ZC3H7A: variants seen among roughly 807,000 people sequenced by gnomAD.
ZC3H7A encodes the protein zinc finger CCCH domain-containing protein 7A.
ZC3H7A carries 44 observed loss-of-function variants against 125.5 expected under a neutral mutation model. The observed-to-expected ratio is 0.35, with a 90% confidence interval of 0.28 to 0.45. ZC3H7A has a LOEUF of 0.45. ZC3H7A is among the 20% of genes least tolerant of loss of function. ZC3H7A has a pLI of 1.00. For synonymous variants in ZC3H7A, 399 were observed against 391.2 expected (o/e 1.02, Z -0.23); for missense variants, 977 against 1,170.7 (o/e 0.83, Z 2.41).
intron 19 of ZC3H7A, 66 bp from the exon 20 acceptor site, chr16:11,758,605 T>A: frequency 8.8e-7 from 1 of 1,137,818 alleles, no homozygotes; most frequent in Non-Finnish European, 1.3e-6. Context: ...AATTTTTACA[T>A]TTAAGCAAAA....
intron 9 of ZC3H7A, among the ~76,000 whole-genome samples, chr16:11,771,319 C>A (rs1025509516): frequency 6.6e-6 from 1 of 151,380 alleles, no homozygotes; most frequent in Non-Finnish European, 1.5e-5. Flanking sequence ...ACCCAGGAGG[C>A]GGAGCTTGCA....
intron 21 of ZC3H7A, 152 bp downstream of exon 21, chr16:11,756,085 C>T (rs2052642168): frequency 1.8e-6 from 2 of 1,103,778 alleles, no homozygotes; most frequent in Non-Finnish European, 2.5e-6. Flanking sequence ...ATTGCTTGAA[C>T]CAGGGAGGCG....
intron 4 of ZC3H7A, among the ~76,000 whole-genome samples, chr16:11,778,349 A>C (rs1270288319): frequency 1.3e-5 from 2 of 149,712 alleles, no homozygotes; most frequent in Admixed American, 1.3e-4. Context: ...AGGCAGGAAA[A>C]TTGCTTGAAC....
chr16:11,780,364 G>C (rs1049429249), intron 3 of ZC3H7A, among the ~76,000 whole-genome samples: 1 of 151,882 alleles, frequency 6.6e-6, no homozygotes, highest in Admixed American at 6.6e-5. Flanking sequence ...CAAGTGATCC[G>C]CCTGCTTCAG....
intron 1 of ZC3H7A, among the ~76,000 whole-genome samples, chr16:11,795,416 G>T (rs1004679477): frequency 6.6e-6 from 1 of 151,756 alleles, no homozygotes; most frequent in Admixed American, 6.5e-5. Flanking sequence ...TAAGCCATAC[G>T]TGTCATTGTA....
At chr16:11,767,332 C>T (rs1411585877) in intron 13 of ZC3H7A, 85 bp downstream of exon 13, 4 of 1,081,138 alleles carry the variant, frequency 3.7e-6, no homozygotes, top group African/African-American at 5.6e-5. Flanking sequence ...ATGCATTTCT[C>T]ACAATGTATC....
chr16:11,759,377 T>C (rs1239004913), intron 19 of ZC3H7A: 1 of 152,218 alleles, frequency 6.6e-6, no homozygotes, highest in Non-Finnish European at 1.5e-5. Flanking sequence ...ATTAAATGCT[T>C]AGCATCTGTC....
At chr16:11,754,190 G>C (rs924239951) in intron 21 of ZC3H7A, among the ~76,000 whole-genome samples, 1 of 150,952 alleles carries the variant, frequency 6.6e-6, no homozygotes, top group African/African-American at 2.4e-5. Context: ...TACTGAGGAG[G>C]CTGAGGTCGG....
At chr16:11,762,114 T>G in intron 17 of ZC3H7A, 71 bp from the exon 18 acceptor site, 1 of 1,432,334 alleles carries the variant, frequency 7.0e-7, no homozygotes, top group Non-Finnish European at 9.3e-7. Context: ...AAATACTAAA[T>G]CAAGATGCAT....
chr16:11,781,280 CA>C, intron 3 of ZC3H7A, 144 bp downstream of exon 3: 4 of 696,944 alleles, frequency 5.7e-6, no homozygotes, highest in South Asian at 5.3e-5. Flanking sequence ...GCTTTATTTG[CA>C]AAAAAATAAA....
Position 11,774,233 on chromosome 16 carries a change from T to C in ZC3H7A, c.903+3A>G. 1 of 1,571,658 alleles carries C rather than the reference T, an allele frequency of 6.4e-7. No homozygotes were observed. The highest frequency in any genetic ancestry group is 1.4e-5 in the African/African-American group (1 of 73,836). ...AAGAAACTTGAGTAACACTGAAACT[T>C]ACCATAACAGTTTCATTAGTTTCAG... On this transcript the variant is annotated splice_donor_region_variant and intron_variant, in intron 9 of 22. Coordinates refer to ENST00000355758, the MANE Select transcript of ZC3H7A (RefSeq NM_014153.4).
intron 19 of ZC3H7A, chr16:11,759,477 A>G (rs1452760562): frequency 6.6e-6 from 1 of 152,164 alleles, no homozygotes; most frequent in African/African-American, 2.4e-5. Context: ...CCCCACCCTT[A>G]AAATCTTCTG....
chr16:11,788,193 C>A (rs1467441520), intron 1 of ZC3H7A, among the ~76,000 whole-genome samples: 1 of 152,174 alleles, frequency 6.6e-6, no homozygotes, highest in Non-Finnish European at 1.5e-5. Context: ...CACCTCACAG[C>A]CTGGGCTAGG....
chr16:11,753,934 A>C (rs2052592345), intron 21 of ZC3H7A: 3 of 152,394 alleles, frequency 2.0e-5, no homozygotes, highest in Non-Finnish European at 4.4e-5. Flanking sequence ...ACAGGCATGA[A>C]CCACCATGCC....
rs535831801 is a variant in ZC3H7A at position 11,790,728 on chromosome 16, G to A, written c.-35+6396C>T. 6.8e-4 allele frequency among the ~76,000 whole-genome samples: 104 copies of A among 152,056 alleles called. 1 individual carries two copies. The highest frequency in any genetic ancestry group is 1.4e-3 in the Non-Finnish European group (92 of 67,986). On this transcript the variant is annotated intron_variant, in intron 1 of 22. Coordinates refer to ENST00000355758, the MANE Select transcript of ZC3H7A (RefSeq NM_014153.4). ...CTAATTTTGTATTTTTAGTAGAGAT[G>A]AGGTTTCTTCATGTTGGTCCAGCTG...
chr16:11,770,667 A>G (rs2052963759), intron 10 of ZC3H7A, 116 bp downstream of exon 10: 13 of 1,018,844 alleles, frequency 1.3e-5, no homozygotes, highest in South Asian at 3.4e-5. Context: ...ATTTTTAGCT[A>G]CAAAGAAAAT....
At chr16:11,762,910 T>A in intron 16 of ZC3H7A, 163 bp from the exon 17 acceptor site, 1 of 604,336 alleles carries the variant, frequency 1.7e-6, no homozygotes, top group Non-Finnish European at 2.9e-6. Flanking sequence ...TGAAATGGAA[T>A]ATACACAAAT....
chr16:11,781,372 C>T (rs1335111887), intron 3 of ZC3H7A, 53 bp downstream of exon 3: 42 of 1,563,456 alleles, frequency 2.7e-5, no homozygotes, highest in Non-Finnish European at 3.1e-5. Flanking sequence ...CTACAAATTA[C>T]AGTTCACAAG....
At chr16:11,756,894 G>T (rs2052658640) in intron 20 of ZC3H7A, among the ~76,000 whole-genome samples, 1 of 152,186 alleles carries the variant, frequency 6.6e-6, no homozygotes, top group Non-Finnish European at 1.5e-5. Context: ...GATATGCTGG[G>T]CTGCAACTGA....
Sources: allele counts gnomAD v4.1 joint callset (sites outside exome capture counted in the v4.1 genomes callset), GRCh38; gene constraint gnomAD v4.1.1; transcripts MANE v1.5; gene names NCBI Gene and HGNC (gene_info 2026-07-23, HGNC 2026-07-21).